Variants in RPL14 observed in about 807,000 individuals in gnomAD.
The protein encoded by RPL14 is ribosomal protein L14.
In RPL14, 4 loss-of-function variants were observed where a neutral mutation model predicts 25.3. The observed-to-expected ratio is 0.16, with a 90% CI of 0.08 to 0.36. The LOEUF (loss-of-function observed/expected upper bound fraction) is 0.36, where lower values mean the gene tolerates loss of function less well. Ranked by LOEUF, RPL14 falls within the 10% of genes least tolerant of loss-of-function variation. The pLI, the probability that RPL14 is intolerant of heterozygous loss-of-function variation, is 1.00. For missense variants in RPL14, 212 were observed against 261.9 expected (o/e 0.81, Z 1.31); for synonymous variants, 75 against 89.8 (o/e 0.84, Z 0.93).
Position 40,464,848 on chromosome 3 carries a change from A to G in RPL14, c.*2616A>G. On this transcript the variant is annotated 3_prime_UTR_variant, in exon 6 of 6. Coordinates refer to ENST00000396203, the MANE Select transcript of RPL14 (RefSeq NM_001034996.3). Reference sequence around the variant, plus strand: ...CATTGGTTGTGAGGGAACATGAGGCAGGGTAAAGTTTATCTAGGTAAAATG... The same window carrying G: ...CATTGGTTGTGAGGGAACATGAGGCGGGGTAAAGTTTATCTAGGTAAAATG... 2 of 203,394 alleles carry G rather than the reference A, an allele frequency of 9.8e-6. No individual in the cohort carries two copies. The highest frequency in any genetic ancestry group is 1.8e-4 in the South Asian group (2 of 11,392). 12.6% of individuals were successfully genotyped at this position (203,394 alleles called of 1,614,324 possible). A position where few individuals can be genotyped will look rare whatever the true frequency, so the allele number is the denominator to read the frequency against.
In RPL14 at chr3:40,457,461, C is replaced by G. The variant is rs923048322; in HGVS notation, c.-11C>G. The G allele has an allele frequency of 6.4e-7, 1 of 1,570,760 alleles. No homozygotes were observed. The highest frequency in any genetic ancestry group is 1.4e-5 in the African/African-American group (1 of 72,858). ...GGCGCCAAACGGCTCCCAGAGGGTC[C>G]CGGGAAGCGCATGGTGAGGGTCCCC... On this transcript the variant is annotated 5_prime_UTR_variant, in exon 1 of 6. Coordinates refer to ENST00000396203, the MANE Select transcript of RPL14 (RefSeq NM_001034996.3).
chr3:40,460,536 A>G (rs1465298707), intron 3 of RPL14, among the ~76,000 whole-genome samples: 1 of 151,994 alleles, frequency 6.6e-6, no homozygotes, highest in East Asian at 1.9e-4. Context: ...AGAAAAAAAA[A>G]AAGAATGGTT....
At position 40,457,923 on chromosome 3, in the gene RPL14, G is replaced by T. The variant is rs1559527864; in HGVS notation, c.37G>T (p.Ala13Ser). ...GCGCTTCGTGGAGGTTGGCCGGGTG[G>T]CCTATGTCTCCTTTGGACCTCATGC... is the stretch of plus-strand genomic sequence containing the variant. ...FRRFVEVGRV[A>S]YVSFGPHAGK... Residue 13 changes from alanine (A) to serine (S), a missense_variant, in exon 2 of 6, where the codon GCC becomes TCC. Ala to Ser is a moderately conservative substitution (Grantham distance 99). Transcript: ENST00000396203. 1 of 1,614,236 alleles carries T rather than the reference G, an allele frequency of 6.2e-7. No individual in the cohort carries two copies. Among genetic ancestry groups the T allele is most frequent in the Non-Finnish European group, 8.5e-7 (1 of 1,180,040 alleles).
Position 40,462,387 on chromosome 3 carries a change from T to G in RPL14, c.*155T>G, listed in dbSNP as rs1454003904. The G allele has an allele frequency of 3.5e-6, 3 of 863,876 alleles. No homozygotes were observed. The allele number at this position is 863,876 out of a possible 1,614,324, so 53.5% of individuals were successfully genotyped here. ...ATAATCAGTTCCTTTTTTTTTTTTTTTTTTTTTGAGATGGAGTCTCGTTCT... is the reference window on the plus strand; with the variant it reads ...ATAATCAGTTCCTTTTTTTTTTTTTGTTTTTTTGAGATGGAGTCTCGTTCT... On this transcript the variant is annotated 3_prime_UTR_variant, in exon 6 of 6. Transcript: ENST00000396203.
intron 5 of RPL14, 134 bp from the exon 6 acceptor site, chr3:40,461,805 C>T (rs1256823625): frequency 2.4e-6 from 3 of 1,267,490 alleles, no homozygotes; most frequent in African/African-American, 1.5e-5. Flanking sequence ...CATGATGTCC[C>T]TATGGAATTG....
chr3:40,457,351 C>T lies in RPL14; in HGVS notation c.-121C>T, dbSNP rs747742913. On this transcript the variant is annotated 5_prime_UTR_variant, in exon 1 of 6. The change creates a new upstream start codon in the 5' untranslated region. Coordinates refer to ENST00000396203, the MANE Select transcript of RPL14 (RefSeq NM_001034996.3). ...GCGGGTCTTCTTCCTTCTCGCCTAACGCCGCCAACATGGTGAGTCTTACTG... is the reference window on the plus strand; with the variant it reads ...GCGGGTCTTCTTCCTTCTCGCCTAATGCCGCCAACATGGTGAGTCTTACTG... 1.9e-6 allele frequency: 3 copies of T among 1,605,858 alleles called. No individual in the cohort carries two copies. Among genetic ancestry groups the T allele is most frequent in the Admixed American group, 1.7e-5 (1 of 59,462 alleles).
chr3:40,464,173 T>G lies in RPL14; in HGVS notation c.*1941T>G, dbSNP rs1441669607. On this transcript the variant is annotated 3_prime_UTR_variant, in exon 6 of 6. Transcript: ENST00000396203. ...TGGGGTTTTGCCATGTCAGCCAGACTGGTCTTGAACTCCTGACCTCAGGTG... is the reference window on the plus strand; with the variant it reads ...TGGGGTTTTGCCATGTCAGCCAGACGGGTCTTGAACTCCTGACCTCAGGTG... 6.7e-6 allele frequency: 2 copies of G among 300,054 alleles called. No individual in the cohort carries two copies. The highest frequency in any genetic ancestry group is 1.3e-5 in the Non-Finnish European group (2 of 149,776). 18.6% of individuals were successfully genotyped at this position (300,054 alleles called of 1,614,324 possible). A position where few individuals can be genotyped will look rare whatever the true frequency, so the allele number is the denominator to read the frequency against.
At position 40,457,428 on chromosome 3, in the gene RPL14, G is replaced by A. The variant is rs1559527643; in HGVS notation, c.-44G>A. ...GCCGCTCGACCTCCACCTCCGCTGGGAAGCTGAGGCGCCAAACGGCTCCCA... is the reference window on the plus strand; with the variant it reads ...GCCGCTCGACCTCCACCTCCGCTGGAAAGCTGAGGCGCCAAACGGCTCCCA... On this transcript the variant is annotated 5_prime_UTR_variant, in exon 1 of 6. Transcript: ENST00000396203. The A allele has an allele frequency of 1.2e-5, 19 of 1,588,214 alleles. No homozygotes were observed. The East Asian group carries it at 4.2e-4, about 35-fold the overall frequency.
In RPL14 at chr3:40,458,716, C is replaced by T. The variant is rs753171548; in HGVS notation, c.180C>T (p.Phe60=). ...TCAAGTGCATGCAGCTCACTGATTT[C>T]ATCCTCAAGTTTCCGCACAGGTAAC... ...MPFKCMQLTD[F]ILKFPHSAHQ... Residue 60 remains phenylalanine, a synonymous_variant, in exon 3 of 6, where the codon TTC becomes TTT. Transcript: ENST00000396203. The T allele has an allele frequency of 1.2e-6, 2 of 1,614,078 alleles. No individual in the cohort carries two copies. The highest frequency in any genetic ancestry group is 1.6e-4 in the Middle Eastern group (1 of 6,062).
chr3:40,457,900 G>A lies in RPL14; in HGVS notation c.14G>A (p.Arg5His). 6 of 1,614,174 alleles carry A rather than the reference G, an allele frequency of 3.7e-6. No individual in the cohort carries two copies. Among genetic ancestry groups the A allele is most frequent in the Non-Finnish European group, 5.1e-6 (6 of 1,179,994 alleles). ...CTCCTCCAATTTTAGGTGTTCAGGC[G>A]CTTCGTGGAGGTTGGCCGGGTGGCC... MVFR[R>H]FVEVGRVAYV... Residue 5 changes from arginine (R) to histidine (H), a missense_variant, in exon 2 of 6, where the codon CGC becomes CAC. By Grantham distance (29) the Arg-to-His change is conservative. Coordinates refer to ENST00000396203, the MANE Select transcript of RPL14 (RefSeq NM_001034996.3).
intron 3 of RPL14, among the ~76,000 whole-genome samples, chr3:40,460,562 G>T (rs1447888045): frequency 6.6e-6 from 1 of 150,466 alleles, no homozygotes; most frequent in East Asian, 1.9e-4. Flanking sequence ...CACGTCCACT[G>T]CCCGAGTGGA....
intron 2 of RPL14, chr3:40,458,278 G>A (rs572133229): frequency 2.4e-4 from 127 of 529,580 alleles, no homozygotes; most frequent in African/African-American, 1.8e-3. Flanking sequence ...GATCCAGCAC[G>A]TAGAAAGCAC....
intron 1 of RPL14, 109 bp from the exon 2 acceptor site, chr3:40,457,781 C>A: frequency 1.8e-6 from 2 of 1,101,872 alleles, no homozygotes; most frequent in Non-Finnish European, 2.7e-6. Flanking sequence ...TTGTTCCCTG[C>A]AGCATTCTTT....
intron 3 of RPL14, among the ~76,000 whole-genome samples, chr3:40,459,884 A>T (rs4974026): frequency 7.0e-6 from 1 of 142,202 alleles, no homozygotes. Context: ...AAAAAAACTT[A>T]CTGTATGCTG....
intron 2 of RPL14, 150 bp from the exon 3 acceptor site, chr3:40,458,492 G>A (rs1696879215): frequency 1.6e-6 from 1 of 632,896 alleles, no homozygotes; most frequent in South Asian, 1.9e-5. Context: ...ATATAACCCA[G>A]ATAGGACAAT....
At position 40,461,413 on chromosome 3, in the gene RPL14, C is replaced by G; in HGVS notation, c.207C>G (p.His69Gln). The G allele has an allele frequency of 6.2e-7, 1 of 1,614,012 alleles. No individual in the cohort carries two copies. Reference protein sequence around the residue: ...DFILKFPHSAHQKYVRQAWQK... With the variant: ...DFILKFPHSAQQKYVRQAWQK... The stretch of plus-strand genomic sequence containing the variant: ...TGGTCTTGGCTCGTTCTAGTGCCCA[C>G]CAGAAGTATGTCCGACAAGCCTGGC... The change falls in exon 4 of 6, where the codon CAC (histidine) becomes CAG (glutamine). Residue 69 changes from histidine to glutamine, a missense_variant. Transcript: ENST00000396203.
chr3:40,462,334 T>G lies in RPL14; in HGVS notation c.*102T>G, dbSNP rs2125626131. The G allele has an allele frequency of 9.1e-7, 1 of 1,096,338 alleles. No homozygotes were observed. The highest frequency in any genetic ancestry group is 1.8e-5 in the South Asian group (1 of 56,386). 67.9% of individuals were successfully genotyped at this position (1,096,338 alleles called of 1,614,324 possible). On this transcript the variant is annotated 3_prime_UTR_variant, in exon 6 of 6. Coordinates refer to ENST00000396203, the MANE Select transcript of RPL14 (RefSeq NM_001034996.3). ...GTTGAGGCTGGAGTTAGGAGGCAGA[T>G]TGATAGTAGGATTATAATAAACATT...
At position 40,462,118 on chromosome 3, in the gene RPL14, T is replaced by G; in HGVS notation, c.534T>G (p.Val178=). 6.2e-7 allele frequency: 1 copy of G among 1,611,908 alleles called. No individual in the cohort carries two copies. Among genetic ancestry groups the G allele is most frequent in the African/African-American group, 1.3e-5 (1 of 74,890 alleles). ...AASKKAPAQK[V]PAQKATGQKA... ...GTAAAAAGGCTCCAGCCCAGAAGGT[T>G]CCTGCCCAGAAAGCCACAGGCCAGA... The change falls in exon 6 of 6, where the codon GTT becomes GTG. Residue 178 remains valine, a synonymous_variant. Coordinates refer to ENST00000396203, the MANE Select transcript of RPL14 (RefSeq NM_001034996.3).
At chr3:40,457,858 A>C (rs376541631) in intron 1 of RPL14, 32 bp from the exon 2 acceptor site, 33 of 1,576,620 alleles carry the variant, frequency 2.1e-5, no homozygotes, top group Non-Finnish European at 2.6e-5. Context: ...ATTTCTAAGT[A>C]AGTTTCACTG....
Sources: gnomAD v4.1 joint callset for allele counts (sites outside exome capture counted in the v4.1 genomes callset) on GRCh38, gnomAD v4.1.1 for gene constraint, MANE v1.5 for transcripts, NCBI Gene and HGNC (gene_info 2026-07-23, HGNC 2026-07-21) for gene names.